GPC5: variants seen among roughly 807,000 people sequenced by gnomAD.
GPC5 encodes glypican-5.
Under a neutral mutation model 53.9 loss-of-function variants are expected in GPC5, and 47 were observed. The ratio of observed to expected loss-of-function variants is 0.87; its 90% CI spans 0.69 to 1.11. The LOEUF (loss-of-function observed/expected upper bound fraction) is 1.11, where lower values mean the gene tolerates loss of function less well. GPC5 is among the 50% of genes most tolerant of loss of function. The probability of loss-of-function intolerance (pLI) is 0.00; values close to 1 mark genes in which losing one functional copy is unlikely to be tolerated. For synonymous variants in GPC5, 286 were observed against 263.3 expected (o/e 1.09, Z -0.84); for missense variants, 748 against 713.1 (o/e 1.05, Z -0.56).
At chr13:92,071,134 G>A (rs922377930) in intron 6 of GPC5, among the ~76,000 whole-genome samples, 2 of 152,140 alleles carry the variant, frequency 1.3e-5, no homozygotes, top group Non-Finnish European at 2.9e-5. Context: ...TACTCAGGAG[G>A]CTGAGGCAGG....
rs563396317 is a variant in GPC5, at chr13:92,207,174, C to CA, written c.1561+62187dup. On this transcript the variant is annotated intron_variant, in intron 7 of 7. Coordinates refer to ENST00000377067, the MANE Select transcript of GPC5 (RefSeq NM_004466.6). ...ACTACCAGCAGCAGTACTAGTCTAG[C>CA]AAGTCCCTCCTCTCTTTCCTTTCCC... Among the ~76,000 whole-genome samples the CA allele has an allele frequency of 5.1e-4, 78 of 152,306 alleles. No individual in the cohort carries two copies. The South Asian group carries it at 7.7e-3, about 15-fold the overall frequency.
intron 3 of GPC5, among the ~76,000 whole-genome samples, chr13:91,713,894 T>C (rs964534998): frequency 6.6e-6 from 1 of 152,188 alleles, no homozygotes; most frequent in Non-Finnish European, 1.5e-5. Context: ...TATTCTTGCT[T>C]GGAGATGATT....
intron 7 of GPC5, among the ~76,000 whole-genome samples, chr13:92,587,503 G>A (rs1183694355): frequency 1.4e-5 from 2 of 147,468 alleles, no homozygotes; most frequent in East Asian, 3.9e-4. Context: ...TGTCTAACAG[G>A]CAATATTTTG....
At chr13:91,564,027 A>G (rs1300744902) in intron 2 of GPC5, among the ~76,000 whole-genome samples, 3 of 152,244 alleles carry the variant, frequency 2.0e-5, no homozygotes, top group East Asian at 1.9e-4. Context: ...TTGGGCTTCA[A>G]CAAAGCTGTC....
chr13:91,773,938 T>C (rs79493444), intron 5 of GPC5, among the ~76,000 whole-genome samples: 1 of 152,224 alleles, frequency 6.6e-6, no homozygotes, highest in Non-Finnish European at 1.5e-5. Flanking sequence ...TATTTACTTA[T>C]CTTAAAAAGT....
chr13:92,812,207 T>A (rs937187229), intron 7 of GPC5, among the ~76,000 whole-genome samples: 3 of 151,980 alleles, frequency 2.0e-5, no homozygotes, highest in African/African-American at 7.3e-5. Context: ...TAAGTGTTCC[T>A]GTCAGGAGCA....
intron 5 of GPC5, among the ~76,000 whole-genome samples, chr13:91,838,370 T>C (rs1187348289): frequency 1.3e-5 from 2 of 152,130 alleles, no homozygotes; most frequent in African/African-American, 4.8e-5. Context: ...GGTGCCATAC[T>C]GATTATTCAA....
chr13:91,881,087 G>A (rs939513908), intron 5 of GPC5, among the ~76,000 whole-genome samples: 6 of 151,978 alleles, frequency 3.9e-5, no homozygotes, highest in East Asian at 1.9e-4. Flanking sequence ...CACTGCACCC[G>A]GCCTATAGTA....
intron 2 of GPC5, among the ~76,000 whole-genome samples, chr13:91,622,494 A>AT (rs202204329): frequency 0.013 from 1,951 of 152,032 alleles, 40 homozygotes; most frequent in African/African-American, 0.044. Context: ...TAGGATTTTG[A>AT]TTTTTTTTCT....
At chr13:92,841,035 G>T (rs377662616) in intron 7 of GPC5, among the ~76,000 whole-genome samples, 1 of 152,128 alleles carries the variant, frequency 6.6e-6, no homozygotes, top group Admixed American at 6.5e-5. Context: ...TACATATAAG[G>T]TCAAGTCATC....
intron 7 of GPC5, among the ~76,000 whole-genome samples, chr13:92,281,387 T>C (rs2042914628): frequency 6.6e-6 from 1 of 152,114 alleles, no homozygotes. Flanking sequence ...TCTGACAGCT[T>C]TGAAGAGAGT....
chr13:92,811,283 C>T lies in GPC5; in HGVS notation c.1562-54999C>T, dbSNP rs1168667472. On this transcript the variant is annotated intron_variant, in intron 7 of 7. Coordinates refer to ENST00000377067, the MANE Select transcript of GPC5 (RefSeq NM_004466.6). ...GTCGTATAGTAATTCCATCATCAGC[C>T]TTGCACCAATTTACATTCCCAGGAG... Among the ~76,000 whole-genome samples, 14 of 152,014 alleles carry T rather than the reference C, an allele frequency of 9.2e-5. No homozygotes were observed. The East Asian group carries it at 2.7e-3, about 29-fold the overall frequency.
chr13:92,713,397 C>G (rs1330724330), intron 7 of GPC5, among the ~76,000 whole-genome samples: 1 of 149,334 alleles, frequency 6.7e-6, no homozygotes, highest in Non-Finnish European at 1.5e-5. Context: ...TCGAGACCAT[C>G]CTGGCTAACA....
chr13:92,073,973 TC>T (rs2041233549), intron 6 of GPC5, among the ~76,000 whole-genome samples: 2 of 152,204 alleles, frequency 1.3e-5, no homozygotes, highest in South Asian at 4.1e-4. Flanking sequence ...CATTTCTCCT[TC>T]CTGCCATCAT....
intron 6 of GPC5, among the ~76,000 whole-genome samples, chr13:91,960,725 A>T (rs112694392): frequency 6.6e-6 from 1 of 152,028 alleles, no homozygotes; most frequent in Non-Finnish European, 1.5e-5. Context: ...ATGGAACAGA[A>T]TGATGAGCCC....
At chr13:92,067,775 A>G (rs1249721044) in intron 6 of GPC5, among the ~76,000 whole-genome samples, 1 of 152,022 alleles carries the variant, frequency 6.6e-6, no homozygotes, top group African/African-American at 2.4e-5. Flanking sequence ...TCACACATGT[A>G]TCTGTGTATG....
At position 91,940,981 on chromosome 13, in the gene GPC5, G is replaced by C. The variant is rs1232601710; in HGVS notation, c.1401+32924G>C. Among the ~76,000 whole-genome samples the C allele has an allele frequency of 5.9e-5, 9 of 152,116 alleles. No homozygotes were observed. The East Asian group carries it at 1.4e-3, about 23-fold the overall frequency. On this transcript the variant is annotated intron_variant, in intron 6 of 7. Coordinates refer to ENST00000377067, the MANE Select transcript of GPC5 (RefSeq NM_004466.6). ...TGATAGTTTCTTTTGCTGTACAAAA[G>C]CTCTTTTGTTTAATTAGGTCCCACT...
At chr13:91,546,949 G>T (rs930455860) in intron 2 of GPC5, among the ~76,000 whole-genome samples, 3 of 152,038 alleles carry the variant, frequency 2.0e-5, no homozygotes, top group African/African-American at 7.2e-5. Context: ...GGTAAGAATG[G>T]TGAGAAGGGA....
intron 5 of GPC5, among the ~76,000 whole-genome samples, chr13:91,882,670 G>GTTTTTTTTTTTTTTTT: frequency 6.7e-5 from 4 of 59,318 alleles, no homozygotes; most frequent in African/African-American, 7.1e-5. Context: ...TGTTTTTTGG[G>GTTTTTTTTTTTTTTTT]TTTTTTTTTT....
Sources: allele counts gnomAD v4.1 joint callset (sites outside exome capture counted in the v4.1 genomes callset), GRCh38; gene constraint gnomAD v4.1.1; transcripts MANE v1.5; gene names NCBI Gene and HGNC (gene_info 2026-07-23, HGNC 2026-07-21).